Variants in SORCS1 observed in about 807,000 individuals in gnomAD.
SORCS1 encodes VPS10 domain-containing receptor SorCS1.
SORCS1 carries 60 observed loss-of-function variants against 146.1 expected under a neutral mutation model. The ratio of observed to expected loss-of-function variants is 0.41; its 90% CI spans 0.33 to 0.51. SORCS1 has a LOEUF of 0.51. Ranked by LOEUF, SORCS1 falls within the 20% of genes least tolerant of loss-of-function variation. The pLI is 0.21. For missense variants in SORCS1, 1,352 were observed against 1,487.6 expected (o/e 0.91, Z 1.50); for synonymous variants, 637 against 584.0 (o/e 1.09, Z -1.31).
At chr10:107,167,039 G>A (rs976013908), upstream of SORCS1, among the ~76,000 whole-genome samples, 3 of 152,236 alleles carry the variant, frequency 2.0e-5, no homozygotes, top group African/African-American at 7.2e-5. Flanking sequence ...GAAAGCATTT[G>A]CAGTCCATTT....
intron 20 of SORCS1, among the ~76,000 whole-genome samples, chr10:106,619,333 C>A (rs989280240): frequency 6.6e-6 from 1 of 152,132 alleles, no homozygotes; most frequent in East Asian, 1.9e-4. Context: ...GTTATGGTTG[C>A]AGTAGAGGTG....
upstream of SORCS1, among the ~76,000 whole-genome samples, chr10:107,169,510 G>A (rs920792133): frequency 6.6e-6 from 1 of 152,090 alleles, no homozygotes; most frequent in African/African-American, 2.4e-5. Flanking sequence ...TAAAAACAGG[G>A]CTAAGATTAT....
At chr10:106,884,372 CTTATATT>C (rs1950918303) in intron 2 of SORCS1, among the ~76,000 whole-genome samples, 1 of 152,098 alleles carries the variant, frequency 6.6e-6, no homozygotes, top group Non-Finnish European at 1.5e-5. Flanking sequence ...TGTCTTTTGT[CTTATATT>C]CTGGGAAAGC....
chr10:106,819,024 T>C (rs1054093452), intron 3 of SORCS1, among the ~76,000 whole-genome samples: 1 of 152,152 alleles, frequency 6.6e-6, no homozygotes, highest in Non-Finnish European at 1.5e-5. Flanking sequence ...TCCCAGTTCT[T>C]AAAAAAGATC....
chr10:106,896,889 G>A (rs1215441126), intron 2 of SORCS1, among the ~76,000 whole-genome samples: 2 of 119,898 alleles, frequency 1.7e-5, no homozygotes, highest in East Asian at 5.0e-4. Context: ...ACCAAATACT[G>A]TTTTTTTTTT....
At chr10:106,624,598 T>C (rs1379031295) in intron 19 of SORCS1, among the ~76,000 whole-genome samples, 1 of 152,010 alleles carries the variant, frequency 6.6e-6, no homozygotes, top group Non-Finnish European at 1.5e-5. Flanking sequence ...CAATCTCAGG[T>C]GATCTGCCTG....
rs117628230 is a variant in SORCS1, at chr10:106,933,594, T to G, written c.626+22919A>C. 3.3e-5 allele frequency among the ~76,000 whole-genome samples: 5 copies of G among 152,132 alleles called. No homozygotes were observed. In the East Asian group the frequency reaches 7.7e-4, roughly 23 times the overall value. ...AAACACTTACTCTCAAGGAGTCCAA[T>G]AGTGAAACACAATGATATCTGAACA... On this transcript the variant is annotated intron_variant, in intron 2 of 25. Transcript: ENST00000263054.
At chr10:106,732,125 T>C (rs1015492906) in intron 5 of SORCS1, among the ~76,000 whole-genome samples, 111 of 152,346 alleles carry the variant, frequency 7.3e-4, no homozygotes, top group African/African-American at 2.5e-3. Context: ...GTTATCGCTG[T>C]CAATAAGTTT....
intron 1 of SORCS1, among the ~76,000 whole-genome samples, chr10:107,016,946 G>A (rs1057152164): frequency 1.3e-5 from 2 of 152,078 alleles, no homozygotes; most frequent in African/African-American, 4.8e-5. Context: ...AAACACAAAC[G>A]AAAATCACAG....
chr10:106,628,618 G>T (rs1247641364), intron 19 of SORCS1, among the ~76,000 whole-genome samples: 2 of 152,116 alleles, frequency 1.3e-5, no homozygotes, highest in Non-Finnish European at 2.9e-5. Context: ...TCTTGGAACT[G>T]TTTCCTACCA....
At chr10:107,022,029 A>C (rs910443667) in intron 1 of SORCS1, among the ~76,000 whole-genome samples, 1 of 152,184 alleles carries the variant, frequency 6.6e-6, no homozygotes, top group African/African-American at 2.4e-5. Context: ...TTGAGCAATT[A>C]ACATTTGAGT....
At chr10:106,935,691 C>G (rs904522504) in intron 2 of SORCS1, among the ~76,000 whole-genome samples, 1 of 152,082 alleles carries the variant, frequency 6.6e-6, no homozygotes, top group Admixed American at 6.5e-5. Flanking sequence ...ATGAGAAGAC[C>G]AAGATTCTAT....
intron 1 of SORCS1, among the ~76,000 whole-genome samples, chr10:107,079,372 G>A (rs1565011549): frequency 6.6e-6 from 1 of 152,124 alleles, no homozygotes; most frequent in Non-Finnish European, 1.5e-5. Context: ...GGCCATTATT[G>A]TTAAGTGACT....
At chr10:106,646,801 A>T (rs1849470428) in intron 18 of SORCS1, among the ~76,000 whole-genome samples, 1 of 151,906 alleles carries the variant, frequency 6.6e-6, no homozygotes, top group Admixed American at 6.6e-5. Context: ...ATGTATTCCC[A>T]TATGGATATT....
chr10:107,021,981 C>CTTGTGGAGAG (rs1958167756), intron 1 of SORCS1, among the ~76,000 whole-genome samples: 1 of 152,164 alleles, frequency 6.6e-6, no homozygotes, highest in African/African-American at 2.4e-5. Context: ...AATAGCTCTG[C>CTTGTGGAGAG]CAACTCCTAC....
chr10:106,638,570 C>A (rs1848865481), intron 18 of SORCS1, among the ~76,000 whole-genome samples: 1 of 152,186 alleles, frequency 6.6e-6, no homozygotes, highest in African/African-American at 2.4e-5. Context: ...ACTGGAATCA[C>A]TATACTATTT....
At chr10:106,935,007 C>G (rs1319913812) in intron 2 of SORCS1, among the ~76,000 whole-genome samples, 1 of 152,080 alleles carries the variant, frequency 6.6e-6, no homozygotes, top group Admixed American at 6.6e-5. Context: ...TCTCAGACTT[C>G]ATCACTATAC....
intron 6 of SORCS1, among the ~76,000 whole-genome samples, chr10:106,726,002 G>C (rs926010924): frequency 6.6e-6 from 1 of 151,490 alleles, no homozygotes; most frequent in African/African-American, 2.4e-5. Flanking sequence ...TAGTGCAGCT[G>C]ATGAGACTGT....
chr10:107,106,513 T>G (rs1965315109), intron 1 of SORCS1, among the ~76,000 whole-genome samples: 1 of 152,222 alleles, frequency 6.6e-6, no homozygotes, highest in Non-Finnish European at 1.5e-5. Flanking sequence ...ACTATATATC[T>G]AAATATTGAA....
Sources: allele counts gnomAD v4.1 joint callset (sites outside exome capture counted in the v4.1 genomes callset), GRCh38; gene constraint gnomAD v4.1.1; transcripts MANE v1.5; gene names NCBI Gene and HGNC (gene_info 2026-07-23, HGNC 2026-07-21).